SLC4A1AP: variants seen among roughly 807,000 people sequenced by gnomAD.
The protein encoded by SLC4A1AP is kanadaptin.
A neutral mutation model predicts 89.7 loss-of-function variants in SLC4A1AP; 64 were observed. That is an observed-to-expected ratio of 0.71 (90% CI 0.58 to 0.88). SLC4A1AP has a LOEUF of 0.88. Ranked by LOEUF, SLC4A1AP falls within the 40% of genes least tolerant of loss-of-function variation. The pLI is 0.00. For missense variants in SLC4A1AP, 931 were observed against 965.0 expected (o/e 0.96, Z 0.47); for synonymous variants, 366 against 353.3 (o/e 1.04, Z -0.40).
In SLC4A1AP at chr2:27,668,922, A is replaced by G. The variant is rs1675377728; in HGVS notation, c.1205+19A>G. 5.6e-6 allele frequency: 9 copies of G among 1,611,354 alleles called. No homozygotes were observed. The highest frequency in any genetic ancestry group is 7.6e-6 in the Non-Finnish European group (9 of 1,178,216). On this transcript the variant is annotated intron_variant, in intron 4 of 13. Coordinates refer to ENST00000613058, the Ensembl canonical transcript of SLC4A1AP. ...GGGTGAGGTATGCTCTTTTCTTATT[A>G]ATGTTCTTTTCTGGAAAATGGCCAA...
At chr2:27,688,297 C>T (rs1020176018) in intron 11 of SLC4A1AP, among the ~76,000 whole-genome samples, 4 of 152,186 alleles carry the variant, frequency 2.6e-5, no homozygotes, top group Admixed American at 1.3e-4. Flanking sequence ...GTGCAAAGCT[C>T]TCCACAATTT....
chr2:27,688,292 A>C (rs930652835), intron 11 of SLC4A1AP, among the ~76,000 whole-genome samples: 1 of 152,154 alleles, frequency 6.6e-6, no homozygotes, highest in Non-Finnish European at 1.5e-5. Context: ...TGGCTGTGCA[A>C]AGCTCTCCAC....
At chr2:27,685,475 G>T (rs1195484859) in intron 10 of SLC4A1AP, among the ~76,000 whole-genome samples, 198 bp downstream of exon 10, 1 of 152,124 alleles carries the variant, frequency 6.6e-6, no homozygotes, top group Non-Finnish European at 1.5e-5. Context: ...GCAAATTAAG[G>T]GCAGTTATTT....
At position 27,685,331 on chromosome 2, in the gene SLC4A1AP, T is replaced by C. The variant is rs969262693; in HGVS notation, c.2116+54T>C. On this transcript the variant is annotated intron_variant, in intron 10 of 13. Transcript: ENST00000613058. ...GTTCAGTGGGCAGTTACATTGATTG[T>C]GGATAGGTTTTAAAAAGCAAGGCCA... 8 of 1,546,128 alleles carry C rather than the reference T, an allele frequency of 5.2e-6. 1 individual carries two copies. The African/African-American group carries it at 6.9e-5, about 13-fold the overall frequency.
At chr2:27,670,560 A>G (rs1004878149) in intron 5 of SLC4A1AP, among the ~76,000 whole-genome samples, 1 of 151,970 alleles carries the variant, frequency 6.6e-6, no homozygotes, top group Non-Finnish European at 1.5e-5. Flanking sequence ...GCATTTAAAA[A>G]CACCTGTATT....
intron 12 of SLC4A1AP, among the ~76,000 whole-genome samples, chr2:27,689,757 C>T (rs1003580679): frequency 1.3e-5 from 2 of 152,180 alleles, no homozygotes; most frequent in Admixed American, 1.3e-4. Context: ...CCATTCTTGT[C>T]AGTTAGGGTA....
intron 5 of SLC4A1AP, among the ~76,000 whole-genome samples, chr2:27,672,399 T>C (rs1377818853): frequency 2.0e-5 from 3 of 152,126 alleles, no homozygotes; most frequent in Non-Finnish European, 4.4e-5. Context: ...TTTAATTTCT[T>C]TCTCTTTTTT....
rs1378862215 is a variant in SLC4A1AP, at chr2:27,666,376, C to T, written c.1022-892C>T. On this transcript the variant is annotated intron_variant, in intron 2 of 13. Coordinates refer to ENST00000613058, the Ensembl canonical transcript of SLC4A1AP. ...CACCCCCCACCCCCCCCCCCCACCC[C>T]GCCCCCCGGCCTCCCAAAGTGTAGA... is the stretch of plus-strand genomic sequence containing the variant. 2.0e-4 allele frequency among the ~76,000 whole-genome samples: 15 copies of T among 74,114 alleles called. 3 individuals are homozygous for T. Among genetic ancestry groups the T allele is most frequent in the African/African-American group, 5.8e-4 (14 of 24,216 alleles). 48.6% of individuals were successfully genotyped at this position (74,114 alleles called of 152,430 possible).
rs376138118 is a variant in SLC4A1AP at position 27,685,018 on chromosome 2, G to T, written c.1876-19G>T. ...TCATTAAGTAGAACTACTTGTTCATGGTTTTGTTTCCCTCTTAGAAGTTAC... is the reference window on the plus strand; with the variant it reads ...TCATTAAGTAGAACTACTTGTTCATTGTTTTGTTTCCCTCTTAGAAGTTAC... On this transcript the variant is annotated intron_variant, in intron 9 of 13. Transcript: ENST00000613058. The T allele has an allele frequency of 8.9e-6, 14 of 1,571,384 alleles. No homozygotes were observed. In the African/African-American group the frequency reaches 1.9e-4, roughly 22 times the overall value.
At chr2:27,674,580 A>AT (rs111930960) in intron 5 of SLC4A1AP, among the ~76,000 whole-genome samples, 15 of 150,730 alleles carry the variant, frequency 1.0e-4, no homozygotes, top group African/African-American at 1.7e-4. Flanking sequence ...TTTGTACTTT[A>AT]TTTTTTTTTA....
chr2:27,664,881 A>G (rs1167646225), intron 1 of SLC4A1AP, among the ~76,000 whole-genome samples: 1 of 151,850 alleles, frequency 6.6e-6, no homozygotes, highest in African/African-American at 2.4e-5. Context: ...GAGGCTGGGC[A>G]ACATGGCAAG....
chr2:27,663,947 G>A, exon 1 of SLC4A1AP: 1 of 1,614,208 alleles, frequency 6.2e-7, no homozygotes, highest in Non-Finnish European at 8.5e-7. Context: ...CAGAGACCCT[G>A]GCGTCGCAAG....
chr2:27,664,411 C>T lies in SLC4A1AP; in HGVS notation c.659C>T (p.Pro220Leu), dbSNP rs753460409. ...GTGCTGCAGCACAGGGCGTCCGGCCCTGACGGAGAATGCGACAGCAACGGG... is the reference window on the plus strand; with the variant it reads ...GTGCTGCAGCACAGGGCGTCCGGCCTTGACGGAGAATGCGACAGCAACGGG... Residue 220 changes from proline (P) to leucine (L), a missense_variant, in exon 1 of 14, where the codon CCT becomes CTT. Pro to Leu is a moderately conservative substitution (Grantham distance 98). Transcript: ENST00000613058. 3.1e-6 allele frequency: 5 copies of T among 1,614,122 alleles called. No individual in the cohort carries two copies. Among genetic ancestry groups the T allele is most frequent in the Non-Finnish European group, 4.2e-6 (5 of 1,180,042 alleles).
intron 2 of SLC4A1AP, 71 bp downstream of exon 2, chr2:27,665,366 T>G (rs1363946578): frequency 7.5e-7 from 1 of 1,340,594 alleles, no homozygotes; most frequent in African/African-American, 1.5e-5. Context: ...TAAATGTTTT[T>G]TTAAATCATA....
At chr2:27,665,690 AT>A (rs1159270318) in intron 2 of SLC4A1AP, among the ~76,000 whole-genome samples, 4 of 152,206 alleles carry the variant, frequency 2.6e-5, no homozygotes, top group African/African-American at 9.6e-5. Flanking sequence ...ATTCTCTTGA[AT>A]TTTTTGTACT....
chr2:27,667,136 T>A (rs1053543425), intron 2 of SLC4A1AP, 132 bp from the exon 3 acceptor site: 16 of 919,932 alleles, frequency 1.7e-5, no homozygotes, highest in Non-Finnish European at 2.5e-5. Flanking sequence ...CCCAAAGTGC[T>A]GGGATTACAG....
intron 3 of SLC4A1AP, chr2:27,668,537 C>A: frequency 1.9e-6 from 1 of 519,830 alleles, no homozygotes; most frequent in Non-Finnish European, 3.7e-6. Flanking sequence ...GCAACCTTGA[C>A]CTCCTGGGTT....
intron 8 of SLC4A1AP, among the ~76,000 whole-genome samples, chr2:27,679,240 A>G (rs182532614): frequency 2.2e-4 from 33 of 152,340 alleles, no homozygotes; most frequent in African/African-American, 7.7e-4. Flanking sequence ...GAAATGATGT[A>G]CAGCATTGTT....
intron 9 of SLC4A1AP, among the ~76,000 whole-genome samples, chr2:27,682,661 A>T (rs1675640503): frequency 6.6e-6 from 1 of 151,528 alleles, no homozygotes; most frequent in African/African-American, 2.4e-5. Context: ...AGTAGCTGGG[A>T]CTACAGGCGT....
Sources: allele counts gnomAD v4.1 joint callset (sites outside exome capture counted in the v4.1 genomes callset), GRCh38; gene constraint gnomAD v4.1.1; transcripts MANE v1.5; gene names NCBI Gene and HGNC (gene_info 2026-07-23, HGNC 2026-07-21).